Variants in PTPRD observed in about 807,000 individuals in gnomAD.
PTPRD encodes the protein protein tyrosine phosphatase receptor type D.
PTPRD carries 34 observed loss-of-function variants against 214.5 expected under a neutral mutation model. The ratio of observed to expected loss-of-function variants is 0.16; its 90% CI spans 0.12 to 0.21. The LOEUF (loss-of-function observed/expected upper bound fraction) is 0.21. Ranked by LOEUF, PTPRD falls within the 10% of genes least tolerant of loss-of-function variation. PTPRD has a pLI of 1.00. For missense variants in PTPRD, 2,545 were observed against 2,398.7 expected, an observed-to-expected ratio of 1.06 and a Z score of -1.27; for synonymous variants, 1,128 against 845.7, an observed-to-expected ratio of 1.33 and a Z score of -5.79.
At chr9:10,411,121 G>C (rs2098431052) in intron 2 of PTPRD, among the ~76,000 whole-genome samples, 2 of 151,772 alleles carry the variant, frequency 1.3e-5, no homozygotes, top group South Asian at 4.1e-4. Flanking sequence ...TTCAGAATGA[G>C]ATTAACAGTA....
chr9:9,836,073 G>A (rs2056661720), intron 5 of PTPRD, among the ~76,000 whole-genome samples: 1 of 151,790 alleles, frequency 6.6e-6, no homozygotes, highest in African/African-American at 2.4e-5. Flanking sequence ...TGGAAGAGAT[G>A]ATGGCCTAAA....
intron 5 of PTPRD, among the ~76,000 whole-genome samples, chr9:9,819,956 G>A (rs1209728133): frequency 1.3e-5 from 2 of 152,094 alleles, no homozygotes; most frequent in Non-Finnish European, 2.9e-5. Flanking sequence ...CAATGAAAAT[G>A]CGAGTACGTG....
At chr9:9,877,897 C>G (rs534885372) in intron 5 of PTPRD, among the ~76,000 whole-genome samples, 1 of 140,604 alleles carries the variant, frequency 7.1e-6, no homozygotes, top group South Asian at 2.3e-4. Context: ...TGCTTTACCC[C>G]GGGAGGTGGA....
intron 5 of PTPRD, among the ~76,000 whole-genome samples, chr9:9,832,176 C>T (rs1006232198): frequency 2.6e-5 from 4 of 151,950 alleles, no homozygotes; most frequent in African/African-American, 9.7e-5. Context: ...GACTATCAAG[C>T]TAGTGAAAAA....
intron 11 of PTPRD, among the ~76,000 whole-genome samples, chr9:8,854,416 T>C (rs1196585287): frequency 1.1e-4 from 16 of 152,216 alleles, no homozygotes; most frequent in Non-Finnish European, 1.5e-5. Flanking sequence ...TGTGATTGTG[T>C]TAATGAATTC....
chr9:9,494,359 G>T (rs953171263), intron 8 of PTPRD, among the ~76,000 whole-genome samples: 12 of 152,292 alleles, frequency 7.9e-5, no homozygotes, highest in Admixed American at 3.3e-4. Context: ...AAACAGCATT[G>T]CATAGAACAA....
chr9:9,078,392 G>C (rs1331858283), intron 10 of PTPRD, among the ~76,000 whole-genome samples: 1 of 152,030 alleles, frequency 6.6e-6, no homozygotes, highest in African/African-American at 2.4e-5. Flanking sequence ...GAATTTTGCA[G>C]TAAATAATTA....
intron 10 of PTPRD, among the ~76,000 whole-genome samples, chr9:9,081,792 G>A (rs554403435): frequency 1.3e-3 from 191 of 147,660 alleles, no homozygotes; most frequent in African/African-American, 3.7e-3. Flanking sequence ...TTTAAAGTCC[G>A]TTTTATCAGA....
intron 44 of PTPRD, among the ~76,000 whole-genome samples, chr9:8,329,948 GCT>G: frequency 1.8e-5 from 1 of 55,182 alleles, no homozygotes; most frequent in South Asian, 6.7e-4. Flanking sequence ...ATCTTGCTGG[GCT>G]CTGTGGGAGT....
intron 39 of PTPRD, among the ~76,000 whole-genome samples, chr9:8,358,020 C>A (rs2077412969): frequency 6.6e-6 from 1 of 152,178 alleles, no homozygotes; most frequent in Non-Finnish European, 1.5e-5. Context: ...TCTATACATA[C>A]AGATCATTAT....
At chr9:9,935,028 C>G (rs1179729850) in intron 5 of PTPRD, among the ~76,000 whole-genome samples, 3 of 151,974 alleles carry the variant, frequency 2.0e-5, no homozygotes, top group Non-Finnish European at 2.9e-5. Flanking sequence ...ATTCAACAAC[C>G]ATTCATGCTA....
chr9:9,394,758 G>A (rs1252706736), intron 9 of PTPRD, among the ~76,000 whole-genome samples: 1 of 152,002 alleles, frequency 6.6e-6, no homozygotes, highest in East Asian at 1.9e-4. Flanking sequence ...TTGAAAGAAA[G>A]TCAAGAGAGA....
At chr9:9,614,841 C>T (rs78620517) in intron 7 of PTPRD, among the ~76,000 whole-genome samples, 157 of 152,282 alleles carry the variant, frequency 1.0e-3, no homozygotes, top group Non-Finnish European at 2.1e-3. Context: ...TAGATTATCT[C>T]TGCATTCGTT....
intron 14 of PTPRD, among the ~76,000 whole-genome samples, chr9:8,566,249 C>T (rs952032248): frequency 4.6e-5 from 7 of 151,860 alleles, no homozygotes; most frequent in Non-Finnish European, 1.0e-4. Context: ...ACTGCTTGCT[C>T]TAGGGTTAGG....
intron 4 of PTPRD, among the ~76,000 whole-genome samples, chr9:9,989,929 G>A (rs924568271): frequency 1.3e-5 from 2 of 152,160 alleles, no homozygotes; most frequent in African/African-American, 4.8e-5. Flanking sequence ...TGAGCACTGT[G>A]GGCTGAGAAA....
chr9:9,122,207 A>G (rs868274260), intron 10 of PTPRD, among the ~76,000 whole-genome samples: 29 of 152,226 alleles, frequency 1.9e-4, no homozygotes, highest in African/African-American at 7.0e-4. Context: ...ATTGTTACTC[A>G]TCAGATATTA....
intron 12 of PTPRD, among the ~76,000 whole-genome samples, chr9:8,692,623 A>G (rs1225316625): frequency 6.6e-6 from 1 of 152,222 alleles, no homozygotes; most frequent in African/African-American, 2.4e-5. Context: ...AATTAGCCCT[A>G]TCTGTCTCAA....
At chr9:8,778,500 C>A (rs538116214) in intron 11 of PTPRD, among the ~76,000 whole-genome samples, 1 of 152,190 alleles carries the variant, frequency 6.6e-6, no homozygotes, top group Admixed American at 6.5e-5. Context: ...CTGCCCAACA[C>A]TGAAACTGAC....
chr9:8,767,170 T>A lies in PTPRD; in HGVS notation c.-103-33224A>T, dbSNP rs1466080137. On this transcript the variant is annotated intron_variant, in intron 11 of 45. Transcript: ENST00000381196. Reference sequence around the variant, plus strand: ...TTTGCTCTTGTTGCCCAGGCTGGAATGCAATGGCACGATCTTGGCTCACCG... The same window carrying A: ...TTTGCTCTTGTTGCCCAGGCTGGAAAGCAATGGCACGATCTTGGCTCACCG... Among the ~76,000 whole-genome samples, 4 of 152,152 alleles carry A rather than the reference T, an allele frequency of 2.6e-5. No homozygotes were observed. In the South Asian group the frequency reaches 8.3e-4, roughly 32 times the overall value.
Sources: allele counts gnomAD v4.1 joint callset (sites outside exome capture counted in the v4.1 genomes callset), GRCh38; gene constraint gnomAD v4.1.1; transcripts MANE v1.5; gene names NCBI Gene and HGNC (gene_info 2026-07-23, HGNC 2026-07-21).